The following HTT variants were observed in gnomAD, a reference collection of about 807,000 sequenced individuals.
HTT encodes huntingtin, also known as huntington disease protein.
In HTT, 104 loss-of-function variants were observed where a neutral mutation model predicts 362.3. The ratio of observed to expected loss-of-function variants is 0.29; its 90% CI spans 0.24 to 0.34. The LOEUF is 0.34. HTT is among the 10% of genes least tolerant of loss of function. The probability of loss-of-function intolerance (pLI) is 1.00; values close to 1 mark genes in which losing one functional copy is unlikely to be tolerated. For synonymous variants in HTT, 1,577 were observed against 1,548.7 expected, an observed-to-expected ratio of 1.02 and a Z score of -0.43; for missense variants, 3,301 against 3,928.6, an observed-to-expected ratio of 0.84 and a Z score of 4.27.
chr4:3,175,175 C>G, intron 33 of HTT, 68 bp downstream of exon 33: 3 of 1,372,028 alleles, frequency 2.2e-6, no homozygotes, highest in Non-Finnish European at 3.0e-6. Flanking sequence ...CTAAAAGACA[C>G]TGAAATCTAC....
intron 12 of HTT, among the ~76,000 whole-genome samples, 177 bp downstream of exon 12, chr4:3,127,781 T>C (rs1483053212): frequency 1.3e-5 from 2 of 151,590 alleles, no homozygotes; most frequent in Non-Finnish European, 2.9e-5. Flanking sequence ...CTGGCCAACA[T>C]GGTGAAACCC....
intron 23 of HTT, among the ~76,000 whole-genome samples, chr4:3,143,306 G>A (rs1339986030): frequency 3.3e-5 from 5 of 151,366 alleles, no homozygotes; most frequent in African/African-American, 1.2e-4. Context: ...GCGTGGTGGC[G>A]GGCGCCTGTA....
chr4:3,190,512 T>C (rs183474601), intron 40 of HTT, among the ~76,000 whole-genome samples: 4 of 151,554 alleles, frequency 2.6e-5, no homozygotes, highest in African/African-American at 4.8e-5. Context: ...TGAGGCGGGG[T>C]GATCGCTTGA....
rs533685387 is a variant in HTT at position 3,145,375 on chromosome 4, A to G, written c.3143+147A>G. On this transcript the variant is annotated intron_variant, in intron 24 of 66. Transcript: ENST00000355072. ...ATCTGATGGAATACTTGTTTCTGCT[A>G]TATTAGCTGTGTGAGACTAGTGACA... is the stretch of plus-strand genomic sequence containing the variant. The G allele has an allele frequency of 4.5e-5, 29 of 642,960 alleles. 1 individual carries two copies. The highest frequency in any genetic ancestry group is 4.3e-4 in the South Asian group (23 of 53,322). 39.8% of individuals were successfully genotyped at this position (642,960 alleles called of 1,614,324 possible).
rs562968993 is a variant in HTT at position 3,159,944 on chromosome 4, A to AT, written c.3754-332dup. ...TAAGGAATAGGACTTAGTATTTTCT[A>AT]TTTTTTGATATACCACATACCAGAT... is the stretch of plus-strand genomic sequence containing the variant. On this transcript the variant is annotated intron_variant, in intron 28 of 66. Coordinates refer to ENST00000355072, the MANE Select transcript of HTT (RefSeq NM_001388492.1). Among the ~76,000 whole-genome samples the AT allele has an allele frequency of 1.3e-4, 20 of 152,280 alleles. 1 individual carries two copies. In the South Asian group the frequency reaches 3.7e-3, roughly 28 times the overall value.
rs371849029 is a variant in HTT, at chr4:3,121,440, A to G, written c.1273+8A>G. 1.1e-5 allele frequency: 17 copies of G among 1,590,516 alleles called. No homozygotes were observed. The African/African-American group carries it at 2.1e-4, about 20-fold the overall frequency. ...GTATTGTGGAACTTATAGGCAAGTT[A>G]TTAGCAAGGTCTACTCTTACAATTA... On this transcript the variant is annotated splice_region_variant and intron_variant, in intron 9 of 66. Transcript: ENST00000355072.
intron 42 of HTT, among the ~76,000 whole-genome samples, chr4:3,205,677 A>G (rs1719822604): frequency 6.6e-6 from 1 of 152,308 alleles, no homozygotes; most frequent in Admixed American, 6.5e-5. Context: ...AGATTTTCGG[A>G]TTTAGGGAGC....
intron 29 of HTT, among the ~76,000 whole-genome samples, chr4:3,167,532 G>T: frequency 6.6e-6 from 1 of 151,680 alleles, no homozygotes. Context: ...CATCTAACTG[G>T]GATTCTTTAA....
intron 1 of HTT, among the ~76,000 whole-genome samples, chr4:3,075,647 C>CGGGGGGGGGGGGGGTTGGGGGGGGG (rs1560535774): frequency 1.6e-5 from 1 of 61,682 alleles, no homozygotes; most frequent in Non-Finnish European, 2.9e-5. Flanking sequence ...AGTGGCGGGG[C>CGGGGGGGGGGGGGGTTGGGGGGGGG]AGGGGGGGGG....
intron 2 of HTT, among the ~76,000 whole-genome samples, chr4:3,087,636 A>G (rs926017769): frequency 6.6e-6 from 1 of 152,140 alleles, no homozygotes; most frequent in Non-Finnish European, 1.5e-5. Flanking sequence ...CCTGTTTCCA[A>G]TGGCTCAGTA....
intron 3 of HTT, among the ~76,000 whole-genome samples, chr4:3,101,521 G>C (rs766167720): frequency 3.3e-5 from 5 of 152,244 alleles, no homozygotes; most frequent in Non-Finnish European, 7.3e-5. Flanking sequence ...GGGAGAGCAC[G>C]TGTGACCCCA....
In HTT at chr4:3,233,436, A is replaced by G; in HGVS notation, c.8456+83A>G. The G allele has an allele frequency of 2.9e-6, 4 of 1,367,874 alleles. No homozygotes were observed. The South Asian group carries it at 5.2e-5, about 18-fold the overall frequency. 84.7% of individuals were successfully genotyped at this position (1,367,874 alleles called of 1,614,324 possible). A position where few individuals can be genotyped will look rare whatever the true frequency, so the allele number is the denominator to read the frequency against. The stretch of plus-strand genomic sequence containing the variant: ...GCAGCATCACCCTCTCCAAGTGCCC[A>G]GGCTCCTGGCCAGATGGCAGGCCAG... On this transcript the variant is annotated intron_variant, in intron 61 of 66. Coordinates refer to ENST00000355072, the MANE Select transcript of HTT (RefSeq NM_001388492.1).
At chr4:3,144,502 G>C (rs1223915074) in intron 23 of HTT, among the ~76,000 whole-genome samples, 2 of 152,088 alleles carry the variant, frequency 1.3e-5, no homozygotes, top group Non-Finnish European at 2.9e-5. Context: ...ATTTTTAGTA[G>C]AGGTAGGGTT....
rs116601318 is a variant in HTT at position 3,178,716 on chromosome 4, G to A, written c.4612+270G>A. On this transcript the variant is annotated intron_variant, in intron 35 of 66. Transcript: ENST00000355072. ...GGTACAGATAGATTCTGAATATAAA[G>A]TTCCTGTTCATTCACATGAAACGCT... 4.6e-3 allele frequency among the ~76,000 whole-genome samples: 702 copies of A among 152,272 alleles called. 8 individuals carry two copies. The highest frequency in any genetic ancestry group is 0.014 in the Middle Eastern group (4 of 294).
At chr4:3,222,323 G>A (rs1720711518) in intron 53 of HTT, 64 bp from the exon 54 acceptor site, 1 of 1,421,332 alleles carries the variant, frequency 7.0e-7, no homozygotes, top group Non-Finnish European at 9.9e-7. Context: ...CGGCGTAGCT[G>A]TCAGCTCTCC....
chr4:3,177,382 G>T lies in HTT; in HGVS notation c.4458G>T (p.Gln1486His). Reference protein sequence around the residue: ...LKQFEYIEVGQFRESEAIIPN... With the variant: ...LKQFEYIEVGHFRESEAIIPN... ...AGTTTGAATACATTGAAGTGGGCCA[G>T]TTCAGGTAATAGCATTTTATTATTT... Residue 1486 changes from glutamine to histidine, a missense_variant, in exon 34 of 67, where the codon CAG becomes CAT. Gln to His is a conservative substitution (Grantham distance 24). Transcript: ENST00000355072. 1 of 1,586,316 alleles carries T rather than the reference G, an allele frequency of 6.3e-7. No individual in the cohort carries two copies. Among genetic ancestry groups the T allele is most frequent in the Non-Finnish European group, 8.6e-7 (1 of 1,165,860 alleles).
intron 59 of HTT, 103 bp from the exon 60 acceptor site, chr4:3,229,784 T>G: frequency 8.2e-7 from 1 of 1,221,812 alleles, no homozygotes; most frequent in East Asian, 2.3e-5. Flanking sequence ...TAATGTCTCT[T>G]GGGTGTAAGA....
At chr4:3,239,762 G>A (rs968602054) in intron 66 of HTT, 84 bp from the exon 67 acceptor site, 2 of 1,156,698 alleles carry the variant, frequency 1.7e-6, no homozygotes, top group African/African-American at 1.5e-5. Flanking sequence ...TTTGTAGACT[G>A]TTTCAGGAGA....
intron 28 of HTT, among the ~76,000 whole-genome samples, chr4:3,159,994 CT>C (rs917993056): frequency 3.3e-5 from 5 of 152,250 alleles, no homozygotes; most frequent in African/African-American, 9.6e-5. Flanking sequence ...ACATTTAACC[CT>C]TTTTTCTCAT....
Sources: allele counts gnomAD v4.1 joint callset (sites outside exome capture counted in the v4.1 genomes callset), GRCh38; gene constraint gnomAD v4.1.1; transcripts MANE v1.5; gene names NCBI Gene and HGNC (gene_info 2026-07-23, HGNC 2026-07-21).